Variants in C18orf63 observed in about 807,000 individuals in gnomAD.
The protein encoded by C18orf63 is chromosome 18 open reading frame 63, also known as uncharacterized protein C18orf63.
In C18orf63, 50 loss-of-function variants were observed where a neutral mutation model predicts 75.3. The observed-to-expected ratio is 0.66, with a 90% CI of 0.53 to 0.84. The LOEUF (loss-of-function observed/expected upper bound fraction) is 0.84, where lower values mean the gene tolerates loss of function less well. C18orf63 is among the 40% of genes least tolerant of loss of function. The pLI, the probability that C18orf63 is intolerant of heterozygous loss-of-function variation, is 0.00. For synonymous variants in C18orf63, 232 were observed against 267.6 expected, an observed-to-expected ratio of 0.87 and a Z score of 1.30; for missense variants, 732 against 800.2, an observed-to-expected ratio of 0.91 and a Z score of 1.03.
Position 74,354,225 on chromosome 18 carries a change from C to A in C18orf63, c.1958C>A (p.Ser653Tyr). The change falls in exon 12 of 14, where the codon TCC (serine) becomes TAC (tyrosine). Residue 653 changes from serine to tyrosine, a missense_variant. Physicochemically the swap from Ser to Tyr is moderately radical, Grantham distance 144. Coordinates refer to ENST00000579455, the MANE Select transcript of C18orf63 (RefSeq NM_001174123.2). ...ESSKTSKKHH[S>Y]DTVHYGQSSS... ...TCCAAAACTTCAAAGAAGCATCATTCCGATACTGTGCACTATGGCCAATCC... is the reference window on the plus strand; with the variant it reads ...TCCAAAACTTCAAAGAAGCATCATTACGATACTGTGCACTATGGCCAATCC... The A allele has an allele frequency of 6.5e-7, 1 of 1,534,920 alleles. No homozygotes were observed.
At chr18:74,322,797 G>T in intron 4 of C18orf63, 43 bp downstream of exon 4, 2 of 793,970 alleles carry the variant, frequency 2.5e-6, no homozygotes, top group South Asian at 4.6e-5. Flanking sequence ...GTTGTTTATA[G>T]GGATTATACG....
chr18:74,330,563 T>C (rs911278082), intron 6 of C18orf63, among the ~76,000 whole-genome samples: 29 of 152,108 alleles, frequency 1.9e-4, no homozygotes, highest in African/African-American at 5.3e-4. Context: ...GTCAGATTTG[T>C]GTAAGGTATT....
At chr18:74,320,317 G>A (rs946083970) in intron 2 of C18orf63, among the ~76,000 whole-genome samples, 196 bp from the exon 3 acceptor site, 8 of 152,092 alleles carry the variant, frequency 5.3e-5, no homozygotes, top group Admixed American at 3.3e-4. Context: ...GGGAGGAAGT[G>A]CTACACACTT....
chr18:74,321,799 A>T (rs1352617254), intron 3 of C18orf63, among the ~76,000 whole-genome samples: 1 of 152,062 alleles, frequency 6.6e-6, no homozygotes, highest in Non-Finnish European at 1.5e-5. Flanking sequence ...TTTTTAAAAA[A>T]TGTATTGCTT....
At chr18:74,340,024 A>G (rs931683248) in intron 8 of C18orf63, among the ~76,000 whole-genome samples, 1 of 152,170 alleles carries the variant, frequency 6.6e-6, no homozygotes, top group Non-Finnish European at 1.5e-5. Flanking sequence ...CATCACTGAA[A>G]AGCTTCTATA....
intron 4 of C18orf63, among the ~76,000 whole-genome samples, chr18:74,325,369 G>A (rs185229287): frequency 6.6e-5 from 10 of 152,264 alleles, no homozygotes; most frequent in Admixed American, 4.6e-4. Flanking sequence ...GATTTCCAAT[G>A]TAATTGTTGT....
chr18:74,333,814 G>A (rs1297248358), intron 7 of C18orf63, among the ~76,000 whole-genome samples: 11 of 152,048 alleles, frequency 7.2e-5, no homozygotes. Context: ...GAGCTTTCTG[G>A]GCATGGAAGG....
chr18:74,336,137 AGTT>A (rs1461745956), intron 7 of C18orf63, among the ~76,000 whole-genome samples: 1 of 152,032 alleles, frequency 6.6e-6, no homozygotes, highest in East Asian at 1.9e-4. Flanking sequence ...CAGTTAAGTA[AGTT>A]GCTCTGGATC....
At position 74,358,704 on chromosome 18, in the gene C18orf63, T is replaced by C. The variant is rs554271112; in HGVS notation, c.*2257T>C. The C allele has an allele frequency of 6.6e-6, 1 of 152,290 alleles. No individual in the cohort carries two copies. Among genetic ancestry groups the C allele is most frequent in the South Asian group, 2.1e-4 (1 of 4,832 alleles). The allele number at this position is 152,290 out of a possible 1,614,324, so 9.4% of individuals were successfully genotyped here. A position where few individuals can be genotyped will look rare whatever the true frequency, so the allele number is the denominator to read the frequency against. On this transcript the variant is annotated 3_prime_UTR_variant, in exon 14 of 14. Transcript: ENST00000579455. ...ATAAGAAAATAATTTTATGTTTGCC[T>C]ATGTCCAGGAGCTGAAGAAATCAGC...
At position 74,356,754 on chromosome 18, in the gene C18orf63, G is replaced by C. The variant is rs1415550608; in HGVS notation, c.*307G>C. ...TCCAATGATCTTATACAGTAGTTTT[G>C]ATAGTTGAAAATATCTTTATTTTGC... is the stretch of plus-strand genomic sequence containing the variant. On this transcript the variant is annotated 3_prime_UTR_variant, in exon 14 of 14. Coordinates refer to ENST00000579455, the MANE Select transcript of C18orf63 (RefSeq NM_001174123.2). The C allele has an allele frequency of 6.6e-6, 1 of 152,102 alleles. No homozygotes were observed. The highest frequency in any genetic ancestry group is 6.5e-5 in the Admixed American group (1 of 15,270). The allele number at this position is 152,102 out of a possible 1,614,324, so 9.4% of individuals were successfully genotyped here.
rs1409650344 is a variant in C18orf63 at position 74,327,966 on chromosome 18, T to A, written c.290T>A (p.Val97Glu). Reference protein sequence around the residue: ...YGAKMEAPQRVIPVILQNCLS... With the variant: ...YGAKMEAPQREIPVILQNCLS... The stretch of plus-strand genomic sequence containing the variant: ...TTTTAGATGGAGGCTCCACAAAGAG[T>A]AATTCCTGTAATTCTTCAGAACTGC... Residue 97 changes from valine to glutamate, a missense_variant, in exon 5 of 14, where the codon GTA (valine) becomes GAA (glutamate). This residue lies in a region of C18orf63 where 233 missense variants were observed against 272.7 expected (regional missense o/e 0.85). Coordinates refer to ENST00000579455, the MANE Select transcript of C18orf63 (RefSeq NM_001174123.2). 9 of 1,534,728 alleles carry A rather than the reference T, an allele frequency of 5.9e-6. No individual in the cohort carries two copies. Among genetic ancestry groups the A allele is most frequent in the Non-Finnish European group, 7.9e-6 (9 of 1,145,788 alleles).
intron 2 of C18orf63, among the ~76,000 whole-genome samples, chr18:74,319,057 C>T (rs1479343047): frequency 6.6e-6 from 1 of 152,094 alleles, no homozygotes; most frequent in Admixed American, 6.5e-5. Flanking sequence ...GCATATTTTC[C>T]CACCCAGGGG....
At chr18:74,341,630 T>G (rs1326273257) in intron 8 of C18orf63, among the ~76,000 whole-genome samples, 10 of 152,046 alleles carry the variant, frequency 6.6e-5, no homozygotes, top group Non-Finnish European at 1.2e-4. Context: ...GAGGTTGCCA[T>G]GAGCTGAGAT....
intron 7 of C18orf63, among the ~76,000 whole-genome samples, chr18:74,336,652 A>G (rs1337710828): frequency 6.6e-6 from 1 of 152,090 alleles, no homozygotes; most frequent in Non-Finnish European, 1.5e-5. Flanking sequence ...ATATTCTTGT[A>G]TAGTTGTAAC....
Position 74,353,541 on chromosome 18 carries a change from T to C in C18orf63, c.1274T>C (p.Leu425Pro). The change falls in exon 12 of 14, where the codon CTT becomes CCT. Residue 425 changes from leucine (L) to proline (P), a missense_variant. Around this residue, in one of 3 missense-constraint regions of C18orf63, gnomAD observed 495 missense variants for 508.7 expected, o/e 0.97. Transcript: ENST00000579455. Reference protein sequence around the residue: ...RGNTQVQHTNLSSQSNITPKF... With the variant: ...RGNTQVQHTNPSSQSNITPKF... The stretch of plus-strand genomic sequence containing the variant: ...AATACTCAAGTTCAGCACACAAATC[T>C]TAGCTCCCAAAGCAACATCACCCCT... 2.0e-6 allele frequency: 3 copies of C among 1,536,612 alleles called. No individual in the cohort carries two copies. The highest frequency in any genetic ancestry group is 2.6e-6 in the Non-Finnish European group (3 of 1,147,018).
intron 11 of C18orf63, among the ~76,000 whole-genome samples, chr18:74,349,874 AC>A (rs1399170992): frequency 9.8e-5 from 15 of 152,318 alleles, no homozygotes; most frequent in Non-Finnish European, 2.1e-4. Flanking sequence ...GCTAGACCTT[AC>A]TTCTACTTCC....
chr18:74,340,069 A>G (rs1260017849), intron 8 of C18orf63, among the ~76,000 whole-genome samples: 1 of 152,258 alleles, frequency 6.6e-6, no homozygotes, highest in Non-Finnish European at 1.5e-5. Context: ...TGAAGAGACA[A>G]CTTACAGAAT....
At chr18:74,329,086 G>C (rs1480699330) in intron 6 of C18orf63, 50 bp downstream of exon 6, 1 of 1,208,574 alleles carries the variant, frequency 8.3e-7, no homozygotes, top group Non-Finnish European at 1.2e-6. Flanking sequence ...ATTCATAGTT[G>C]CTAAAGAAAA....
At chr18:74,319,460 G>GT (rs760541604) in intron 2 of C18orf63, among the ~76,000 whole-genome samples, 57 of 152,258 alleles carry the variant, frequency 3.7e-4, no homozygotes, top group Non-Finnish European at 8.1e-4. Flanking sequence ...TTGATGATTA[G>GT]TAATGTTGAA....
Sources: gnomAD v4.1 joint callset for allele counts (sites outside exome capture counted in the v4.1 genomes callset) on GRCh38, gnomAD v4.1.1 for gene constraint, gnomAD v4.1.1 regional missense constraint, MANE v1.5 for transcripts, NCBI Gene and HGNC (gene_info 2026-07-23, HGNC 2026-07-21) for gene names.